The following RIMS1 variants were observed in gnomAD, a reference collection of about 807,000 sequenced individuals.
RIMS1 encodes the protein regulating synaptic membrane exocytosis protein 1.
In RIMS1, 83 loss-of-function variants were observed where a neutral mutation model predicts 214.1. The observed-to-expected ratio is 0.39, with a 90% CI of 0.32 to 0.47. RIMS1 has a LOEUF of 0.47. Ranked by LOEUF, RIMS1 falls within the 20% of genes least tolerant of loss-of-function variation. The pLI is 0.99. For missense variants in RIMS1, 2,050 were observed against 2,161.8 expected, an observed-to-expected ratio of 0.95 and a Z score of 1.03; for synonymous variants, 793 against 786.8, an observed-to-expected ratio of 1.01 and a Z score of -0.13.
intron 2 of RIMS1, among the ~76,000 whole-genome samples, chr6:72,088,415 A>T (rs1427156238): frequency 6.6e-6 from 1 of 151,414 alleles, no homozygotes; most frequent in African/African-American, 2.4e-5. Flanking sequence ...CACCCAGCTA[A>T]TTTTTTGTAA....
rs2098834150 is a variant in RIMS1 at position 72,401,305 on chromosome 6, G to A, written c.*591G>A. The stretch of plus-strand genomic sequence containing the variant: ...TTTTTTCCAAAAGCACCAAAAAAAA[G>A]GGCTGAAGTAGTCTCTGTAGCATCT... On this transcript the variant is annotated 3_prime_UTR_variant, in exon 34 of 34. Coordinates refer to ENST00000521978, the MANE Select transcript of RIMS1 (RefSeq NM_014989.7). The A allele has an allele frequency of 6.5e-6, 1 of 152,704 alleles. No homozygotes were observed. The allele number at this position is 152,704 out of a possible 1,614,324, so 9.5% of individuals were successfully genotyped here. A position where few individuals can be genotyped will look rare whatever the true frequency, so the allele number is the denominator to read the frequency against.
intron 6 of RIMS1, among the ~76,000 whole-genome samples, chr6:72,197,038 T>C (rs1007421671): frequency 6.6e-6 from 1 of 152,082 alleles, no homozygotes; most frequent in Non-Finnish European, 1.5e-5. Flanking sequence ...CCTAGGTAAA[T>C]ATCAAGAAGC....
At chr6:72,313,468 A>G (rs2095610833) in intron 27 of RIMS1, 38 bp from the exon 28 acceptor site, 1 of 1,589,072 alleles carries the variant, frequency 6.3e-7, no homozygotes, top group Non-Finnish European at 8.6e-7. Context: ...TCCATTGTCT[A>G]ATGATGGAGC....
At chr6:72,342,261 A>G (rs915982862) in intron 29 of RIMS1, among the ~76,000 whole-genome samples, 4 of 151,658 alleles carry the variant, frequency 2.6e-5, no homozygotes, top group Non-Finnish European at 5.9e-5. Flanking sequence ...CTCTCTGACC[A>G]TCTCATTCAT....
Position 72,156,869 on chromosome 6 carries a change from T to C in RIMS1, c.472-22706T>C, listed in dbSNP as rs1025010601. Among the ~76,000 whole-genome samples, 9 of 140,980 alleles carry C rather than the reference T, an allele frequency of 6.4e-5. 1 individual carries two copies. Among genetic ancestry groups the C allele is most frequent in the South Asian group, 2.3e-4 (1 of 4,292 alleles). 92.5% of individuals were successfully genotyped at this position (140,980 alleles called of 152,430 possible). A position where few individuals can be genotyped will look rare whatever the true frequency, so the allele number is the denominator to read the frequency against. On this transcript the variant is annotated intron_variant, in intron 4 of 33. Transcript: ENST00000521978. ...ACATGTAATTAAACATTTTATTAAT[T>C]GACATTTACGGAAATAATTAAATTT...
intron 2 of RIMS1, among the ~76,000 whole-genome samples, chr6:72,039,167 C>G (rs1012810710): frequency 2.9e-5 from 4 of 139,902 alleles, no homozygotes; most frequent in Non-Finnish European, 6.2e-5. Context: ...AAAAGAAGTA[C>G]CAGTATTTTT....
chr6:72,392,910 G>A, intron 31 of RIMS1, 100 bp downstream of exon 31: 2 of 784,186 alleles, frequency 2.6e-6, no homozygotes, highest in Non-Finnish European at 4.2e-6. Context: ...CAAGTGAGAA[G>A]CAACATTTTA....
At chr6:72,189,264 A>C (rs1377523817) in intron 6 of RIMS1, among the ~76,000 whole-genome samples, 2 of 152,184 alleles carry the variant, frequency 1.3e-5, no homozygotes, top group Non-Finnish European at 2.9e-5. Flanking sequence ...TGGTGTTGTC[A>C]TTGCGACTTC....
intron 29 of RIMS1, among the ~76,000 whole-genome samples, chr6:72,365,075 T>C (rs1248440922): frequency 6.6e-6 from 1 of 152,266 alleles, no homozygotes; most frequent in African/African-American, 2.4e-5. Context: ...TCCACCTAAT[T>C]GTGTGGTTTG....
chr6:72,377,218 G>A (rs1028076005), intron 29 of RIMS1, among the ~76,000 whole-genome samples: 1 of 152,066 alleles, frequency 6.6e-6, no homozygotes, highest in Non-Finnish European at 1.5e-5. Flanking sequence ...CCAAACCTTG[G>A]CTCCGTCCTG....
intron 4 of RIMS1, among the ~76,000 whole-genome samples, chr6:72,114,044 T>G (rs183234082): frequency 1.3e-5 from 2 of 152,172 alleles, no homozygotes; most frequent in East Asian, 3.9e-4. Context: ...CTTTAATGCA[T>G]CTCAAAGTTA....
intron 2 of RIMS1, among the ~76,000 whole-genome samples, chr6:72,068,649 C>A (rs1051299490): frequency 6.6e-6 from 1 of 152,040 alleles, no homozygotes; most frequent in African/African-American, 2.4e-5. Context: ...GCTGGCGGGG[C>A]GTGGTGGCTC....
intron 29 of RIMS1, among the ~76,000 whole-genome samples, chr6:72,344,948 A>G (rs892429864): frequency 6.6e-6 from 1 of 151,742 alleles, no homozygotes; most frequent in African/African-American, 2.4e-5. Flanking sequence ...TTTGTATTTC[A>G]GGGTTTGGAG....
At chr6:72,118,038 A>C (rs2037433878) in intron 4 of RIMS1, among the ~76,000 whole-genome samples, 1 of 151,928 alleles carries the variant, frequency 6.6e-6, no homozygotes, top group African/African-American at 2.4e-5. Context: ...AAGATTAACC[A>C]ACAAAAGAAG....
At chr6:72,110,305 T>C (rs2035779317) in intron 4 of RIMS1, among the ~76,000 whole-genome samples, 1 of 152,238 alleles carries the variant, frequency 6.6e-6, no homozygotes, top group South Asian at 2.1e-4. Flanking sequence ...TATGGCCATT[T>C]TCATGATATT....
chr6:72,011,765 C>G (rs1810707761), intron 2 of RIMS1, among the ~76,000 whole-genome samples: 1 of 152,174 alleles, frequency 6.6e-6, no homozygotes, highest in African/African-American at 2.4e-5. Context: ...AAATGCAAAT[C>G]AAAACCACAA....
intron 1 of RIMS1, among the ~76,000 whole-genome samples, chr6:71,948,334 T>C (rs1225396802): frequency 6.6e-6 from 1 of 152,222 alleles, no homozygotes; most frequent in African/African-American, 2.4e-5. Flanking sequence ...GGCATGATCA[T>C]GCAACTTACT....
chr6:72,008,059 AG>A (rs1166070935), intron 2 of RIMS1, among the ~76,000 whole-genome samples: 14 of 152,222 alleles, frequency 9.2e-5, no homozygotes, highest in Admixed American at 2.6e-4. Flanking sequence ...AAAAATGTTA[AG>A]GGTTGCCAGA....
chr6:72,322,472 C>G (rs2096226242), intron 28 of RIMS1, among the ~76,000 whole-genome samples: 1 of 152,042 alleles, frequency 6.6e-6, no homozygotes, highest in Non-Finnish European at 1.5e-5. Context: ...TACCCTTATT[C>G]AAAAATAAGC....
Sources: allele counts gnomAD v4.1 joint callset (sites outside exome capture counted in the v4.1 genomes callset), GRCh38; gene constraint gnomAD v4.1.1; transcripts MANE v1.5; gene names NCBI Gene and HGNC (gene_info 2026-07-23, HGNC 2026-07-21).